The following CCSER1 variants were observed in gnomAD, a reference collection of about 807,000 sequenced individuals.
CCSER1 encodes the protein coiled-coil serine rich protein 1, also known as serine-rich coiled-coil domain-containing protein 1.
In CCSER1, 41 loss-of-function variants were observed where a neutral mutation model predicts 82.0. The ratio of observed to expected loss-of-function variants is 0.50; its 90% CI spans 0.39 to 0.65. The LOEUF is 0.65. Among genes scored for constraint, CCSER1 ranks in the 30% least tolerant of loss-of-function variants. CCSER1 has a pLI of 0.00. For synonymous variants in CCSER1, 414 were observed against 383.9 expected (o/e 1.08, Z -0.92); for missense variants, 1,119 against 1,064.2 (o/e 1.05, Z -0.72).
intron 10 of CCSER1, among the ~76,000 whole-genome samples, chr4:91,561,336 T>A (rs2110254066): frequency 6.6e-6 from 1 of 151,580 alleles, no homozygotes; most frequent in Admixed American, 6.6e-5. Context: ...GGGTGTCATA[T>A]TTGATTCTGA....
intron 8 of CCSER1, among the ~76,000 whole-genome samples, chr4:90,884,096 C>T (rs575614183): frequency 1.3e-5 from 2 of 152,172 alleles, no homozygotes; most frequent in East Asian, 1.9e-4. Context: ...ATCTAAGAGA[C>T]CTCTGGATAG....
chr4:90,506,463 A>G (rs1455228437), intron 5 of CCSER1, among the ~76,000 whole-genome samples: 11 of 152,254 alleles, frequency 7.2e-5, no homozygotes, highest in East Asian at 3.9e-4. Flanking sequence ...GTTTTTCAGC[A>G]TTTAAATATT....
intron 4 of CCSER1, among the ~76,000 whole-genome samples, chr4:90,426,390 A>G (rs147628775): frequency 5.3e-4 from 81 of 152,270 alleles, no homozygotes; most frequent in East Asian, 3.7e-3. Context: ...CAGGGGAAAG[A>G]GATATTTCTG....
chr4:90,980,124 T>A (rs1463881456), intron 9 of CCSER1, among the ~76,000 whole-genome samples: 1 of 151,892 alleles, frequency 6.6e-6, no homozygotes, highest in Admixed American at 6.6e-5. Flanking sequence ...GGAAAGGTGA[T>A]ACTTCATCAG....
chr4:91,316,285 A>C (rs1560585145), intron 10 of CCSER1, among the ~76,000 whole-genome samples: 1 of 152,036 alleles, frequency 6.6e-6, no homozygotes, highest in Non-Finnish European at 1.5e-5. Flanking sequence ...AGGGTCATTT[A>C]TATTAGTAAA....
intron 9 of CCSER1, among the ~76,000 whole-genome samples, chr4:90,928,937 G>A (rs1416903906): frequency 6.6e-6 from 1 of 152,090 alleles, no homozygotes; most frequent in Non-Finnish European, 1.5e-5. Context: ...GTCTACCTGA[G>A]GGAACAGCCG....
intron 10 of CCSER1, among the ~76,000 whole-genome samples, chr4:91,244,753 A>G (rs1410518618): frequency 1.3e-5 from 2 of 152,152 alleles, no homozygotes; most frequent in African/African-American, 4.8e-5. Flanking sequence ...TATCAGCATC[A>G]TCCAGGAAAA....
intron 7 of CCSER1, among the ~76,000 whole-genome samples, chr4:90,740,831 C>A (rs1443832822): frequency 6.6e-6 from 1 of 152,078 alleles, no homozygotes; most frequent in Non-Finnish European, 1.5e-5. Context: ...TTTTACCATG[C>A]CTTCAGATAT....
intron 8 of CCSER1, among the ~76,000 whole-genome samples, chr4:90,873,717 T>G (rs72881371): frequency 0.011 from 1,728 of 152,230 alleles, 17 homozygotes; most frequent in African/African-American, 0.032. Flanking sequence ...GATTTATGTA[T>G]ATGTATGTAC....
intron 10 of CCSER1, among the ~76,000 whole-genome samples, chr4:91,165,752 A>G (rs1376182974): frequency 6.6e-6 from 1 of 152,252 alleles, no homozygotes; most frequent in Non-Finnish European, 1.5e-5. Context: ...GTGGGATATA[A>G]TCTCCTGGTA....
intron 7 of CCSER1, among the ~76,000 whole-genome samples, chr4:90,742,463 T>C (rs1015368850): frequency 2.6e-5 from 4 of 152,120 alleles, no homozygotes; most frequent in Non-Finnish European, 5.9e-5. Flanking sequence ...CCCTTATGAA[T>C]GTTATTAGTG....
At chr4:90,870,197 C>G (rs1328476810) in intron 8 of CCSER1, among the ~76,000 whole-genome samples, 1 of 151,840 alleles carries the variant, frequency 6.6e-6, no homozygotes, top group African/African-American at 2.4e-5. Context: ...TTTCTCTTGT[C>G]TGATTGCTCT....
intron 10 of CCSER1, among the ~76,000 whole-genome samples, chr4:91,293,595 T>C (rs1743921642): frequency 6.6e-6 from 1 of 152,006 alleles, no homozygotes; most frequent in African/African-American, 2.4e-5. Flanking sequence ...CTATAAAAAC[T>C]TGTTGGTGAG....
chr4:90,350,876 A>G (rs879848510), intron 3 of CCSER1, among the ~76,000 whole-genome samples: 15 of 152,192 alleles, frequency 9.9e-5, no homozygotes, highest in Non-Finnish European at 1.9e-4. Context: ...TTTTACTGCA[A>G]TAAAATATCA....
chr4:90,877,825 CT>C (rs892655087), intron 8 of CCSER1, among the ~76,000 whole-genome samples: 1 of 152,014 alleles, frequency 6.6e-6, no homozygotes, highest in African/African-American at 2.4e-5. Context: ...TGGTTCTAAG[CT>C]TTGCTCAATT....
chr4:91,399,346 A>C (rs1381348814), intron 10 of CCSER1, among the ~76,000 whole-genome samples: 2 of 151,968 alleles, frequency 1.3e-5, no homozygotes, highest in African/African-American at 4.8e-5. Flanking sequence ...AGATTGACAA[A>C]GAAGTTTATC....
rs77715354 is a variant in CCSER1 at position 91,191,903 on chromosome 4, T to A, written c.2217+105909T>A. Reference sequence around the variant, plus strand: ...TTCAATCAGCCAGAGTTGCTTTCCATTGCTTGCAGCCTAGAACCTTGGCTG... The same window carrying A: ...TTCAATCAGCCAGAGTTGCTTTCCAATGCTTGCAGCCTAGAACCTTGGCTG... On this transcript the variant is annotated intron_variant, in intron 10 of 10. Transcript: ENST00000509176. 4.9e-3 allele frequency among the ~76,000 whole-genome samples: 743 copies of A among 152,320 alleles called. 5 individuals are homozygous for A. The highest frequency in any genetic ancestry group is 0.017 in the African/African-American group (701 of 41,558).
intron 6 of CCSER1, 70 bp downstream of exon 6, chr4:90,628,302 C>G: frequency 8.1e-7 from 1 of 1,236,070 alleles, no homozygotes; most frequent in South Asian, 1.3e-5. Flanking sequence ...CGTGGTTAGA[C>G]CCTGCTCTGT....
At chr4:90,257,556 GATAGATACATAGATAC>G (rs1553973699) in intron 1 of CCSER1, among the ~76,000 whole-genome samples, 3 of 109,952 alleles carry the variant, frequency 2.7e-5, no homozygotes, top group South Asian at 3.3e-4. Flanking sequence ...TAGATAGATA[GATAGATACATAGATAC>G]ATAGATACAT....
Sources: allele counts gnomAD v4.1 joint callset (sites outside exome capture counted in the v4.1 genomes callset), GRCh38; gene constraint gnomAD v4.1.1; transcripts MANE v1.5; gene names NCBI Gene and HGNC (gene_info 2026-07-23, HGNC 2026-07-21).